The following ARHGAP10 variants were observed in gnomAD, a reference collection of about 807,000 sequenced individuals.
The protein encoded by ARHGAP10 is Rho GTPase activating protein 10, also known as rho GTPase-activating protein 10.
A neutral mutation model predicts 108.6 loss-of-function variants in ARHGAP10; 87 were observed. The ratio of observed to expected loss-of-function variants is 0.80; its 90% CI spans 0.67 to 0.96. The LOEUF (loss-of-function observed/expected upper bound fraction) is 0.96. ARHGAP10 is among the 40% of genes least tolerant of loss of function. The pLI is 0.00. For missense variants in ARHGAP10, 939 were observed against 954.5 expected, an observed-to-expected ratio of 0.98 and a Z score of 0.21; for synonymous variants, 347 against 341.1, an observed-to-expected ratio of 1.02 and a Z score of -0.19.
chr4:147,886,910 A>G (rs1452879835), intron 10 of ARHGAP10, among the ~76,000 whole-genome samples: 1 of 152,150 alleles, frequency 6.6e-6, no homozygotes, highest in African/African-American at 2.4e-5. Context: ...AGCTGGGACT[A>G]CAAGTGTGTG....
At chr4:147,950,239 A>G (rs1020544258) in intron 15 of ARHGAP10, among the ~76,000 whole-genome samples, 2 of 152,202 alleles carry the variant, frequency 1.3e-5, no homozygotes, top group African/African-American at 4.8e-5. Context: ...AAAATGCAGT[A>G]ATTAGGATTT....
At chr4:148,005,832 T>G (rs1185123391) in intron 18 of ARHGAP10, among the ~76,000 whole-genome samples, 1 of 152,256 alleles carries the variant, frequency 6.6e-6, no homozygotes, top group African/African-American at 2.4e-5. Context: ...ATTTAATGTA[T>G]TATGTTAATT....
chr4:147,805,220 A>G (rs55714518), intron 1 of ARHGAP10, among the ~76,000 whole-genome samples: 18,212 of 152,128 alleles, frequency 0.12, 3,127 homozygotes, highest in African/African-American at 0.38. Flanking sequence ...AGCACTGTTT[A>G]CTGAATAGGG....
intron 1 of ARHGAP10, among the ~76,000 whole-genome samples, chr4:147,780,396 C>T (rs757861355): frequency 1.1e-4 from 17 of 152,056 alleles, no homozygotes; most frequent in Admixed American, 2.0e-4. Context: ...ACAGTAGCCC[C>T]GCTAAGGGTG....
chr4:147,913,541 G>A (rs1016572988), intron 13 of ARHGAP10, among the ~76,000 whole-genome samples: 1 of 152,054 alleles, frequency 6.6e-6, no homozygotes, highest in African/African-American at 2.4e-5. Context: ...CCCCCTTCCC[G>A]CTTTGTCCTT....
intron 18 of ARHGAP10, among the ~76,000 whole-genome samples, chr4:148,002,829 G>T (rs1256807948): frequency 2.0e-5 from 3 of 151,956 alleles, no homozygotes; most frequent in African/African-American, 7.3e-5. Flanking sequence ...TCTTGCTAGT[G>T]GTCTATCAAT....
intron 1 of ARHGAP10, among the ~76,000 whole-genome samples, chr4:147,757,028 A>C (rs1729403324): frequency 6.6e-6 from 1 of 151,774 alleles, no homozygotes; most frequent in Non-Finnish European, 1.5e-5. Context: ...AGAGCGAGAG[A>C]GAGAGAGAAA....
intron 20 of ARHGAP10, among the ~76,000 whole-genome samples, chr4:148,054,044 A>G (rs114402366): frequency 0.018 from 2,732 of 152,362 alleles, 32 homozygotes; most frequent in Non-Finnish European, 0.028. Context: ...TAAGTCTTGC[A>G]TCAGTCATTT....
At chr4:147,842,714 G>A (rs964327581) in intron 3 of ARHGAP10, among the ~76,000 whole-genome samples, 16 of 152,240 alleles carry the variant, frequency 1.1e-4, no homozygotes, top group Admixed American at 4.6e-4. Context: ...TACCCAGGGG[G>A]CCTTCCTCCT....
intron 3 of ARHGAP10, among the ~76,000 whole-genome samples, chr4:147,826,992 C>T (rs921903273): frequency 2.6e-5 from 4 of 152,140 alleles, no homozygotes; most frequent in Non-Finnish European, 5.9e-5. Flanking sequence ...TTCTTCTCCC[C>T]ATCCGCTTTT....
At chr4:147,785,083 T>TTAAAA in intron 1 of ARHGAP10, among the ~76,000 whole-genome samples, 1 of 118,790 alleles carries the variant, frequency 8.4e-6, no homozygotes, top group South Asian at 2.6e-4. Context: ...GACTATTTTC[T>TTAAAA]AAAAAAAAAA....
At chr4:148,055,307 T>TA (rs1729314864) in intron 20 of ARHGAP10, among the ~76,000 whole-genome samples, 1 of 152,164 alleles carries the variant, frequency 6.6e-6, no homozygotes, top group Admixed American at 6.5e-5. Flanking sequence ...GACTGAGTGT[T>TA]AAACATGGCA....
At chr4:147,863,070 A>C (rs1217737703) in intron 5 of ARHGAP10, 1 of 152,220 alleles carries the variant, frequency 6.6e-6, no homozygotes, top group African/African-American at 2.4e-5. Flanking sequence ...AAAACAACAC[A>C]TTTTTGGTTA....
intron 11 of ARHGAP10, among the ~76,000 whole-genome samples, chr4:147,907,249 C>A (rs925554502): frequency 3.9e-5 from 6 of 152,078 alleles, no homozygotes; most frequent in Non-Finnish European, 5.9e-5. Context: ...TGGTATAGAT[C>A]CAGAGGCACC....
Position 147,751,345 on chromosome 4 carries a change from A to G in ARHGAP10, c.154+18890A>G, listed in dbSNP as rs376937823. On this transcript the variant is annotated intron_variant, in intron 1 of 22. Coordinates refer to ENST00000336498, the MANE Select transcript of ARHGAP10 (RefSeq NM_024605.4). ...TAATGATAATAATGGTGGTGTTTGT[A>G]GTAGGAGTAGATAATAGTTGTTGTT... Among the ~76,000 whole-genome samples, 12 of 152,070 alleles carry G rather than the reference A, an allele frequency of 7.9e-5. No homozygotes were observed. The East Asian group carries it at 1.5e-3, about 20-fold the overall frequency.
rs369537451 is a variant in ARHGAP10, at chr4:148,029,994, T to TCC, written c.1867+6590_1867+6591dup. Among the ~76,000 whole-genome samples the TCC allele has an allele frequency of 2.9e-3, 395 of 138,426 alleles. 6 individuals are homozygous for TCC. The highest frequency in any genetic ancestry group is 8.9e-3 in the African/African-American group (332 of 37,172). 90.8% of individuals were successfully genotyped at this position (138,426 alleles called of 152,430 possible). ...CAGAAACCTCCCGTGAGGCTCAGCA[T>TCC]CCCCCCCCCCACCAACCCCAATGCT... On this transcript the variant is annotated intron_variant, in intron 19 of 22. Transcript: ENST00000336498.
chr4:147,763,249 G>A (rs924391770), intron 1 of ARHGAP10, among the ~76,000 whole-genome samples: 1 of 151,774 alleles, frequency 6.6e-6, no homozygotes, highest in Non-Finnish European at 1.5e-5. Context: ...CATTATCTGA[G>A]ATGTACTAAA....
At chr4:147,936,698 G>A (rs1737962940) in intron 13 of ARHGAP10, among the ~76,000 whole-genome samples, 1 of 152,180 alleles carries the variant, frequency 6.6e-6, no homozygotes, top group Non-Finnish European at 1.5e-5. Flanking sequence ...TGACTCCTTA[G>A]TGTTCTGAGT....
intron 10 of ARHGAP10, among the ~76,000 whole-genome samples, chr4:147,889,751 G>A (rs1735716714): frequency 6.6e-6 from 1 of 152,050 alleles, no homozygotes; most frequent in Non-Finnish European, 1.5e-5. Flanking sequence ...TGAAGTAGAT[G>A]ATATTTAATA....
Sources: allele counts gnomAD v4.1 joint callset (sites outside exome capture counted in the v4.1 genomes callset), GRCh38; gene constraint gnomAD v4.1.1; transcripts MANE v1.5; gene names NCBI Gene and HGNC (gene_info 2026-07-23, HGNC 2026-07-21).